Variants in FRMD4B observed in about 807,000 individuals in gnomAD.
The protein encoded by FRMD4B is FERM domain containing 4B, also known as FERM domain-containing protein 4B.
In FRMD4B, 74 loss-of-function variants were observed where a neutral mutation model predicts 141.5. The ratio of observed to expected loss-of-function variants is 0.52; its 90% CI spans 0.43 to 0.63. The LOEUF (loss-of-function observed/expected upper bound fraction) is 0.63, where lower values mean the gene tolerates loss of function less well. Ranked by LOEUF, FRMD4B falls within the 30% of genes least tolerant of loss-of-function variation. The pLI is 0.00. For missense variants in FRMD4B, 1,366 were observed against 1,253.4 expected (o/e 1.09, Z -1.36); for synonymous variants, 506 against 467.9 (o/e 1.08, Z -1.05).
chr3:69,479,437 A>G (rs979615369), intron 1 of FRMD4B, among the ~76,000 whole-genome samples: 96 of 152,150 alleles, frequency 6.3e-4, no homozygotes, highest in Non-Finnish European at 1.1e-3. Context: ...GCTTGTCTGT[A>G]AAGGATTTTA....
At chr3:69,528,733 A>G (rs1700969026) in intron 1 of FRMD4B, among the ~76,000 whole-genome samples, 3 of 151,896 alleles carry the variant, frequency 2.0e-5, no homozygotes, top group Admixed American at 2.0e-4. Flanking sequence ...TAAGGTATTT[A>G]TCTGAGAGGT....
chr3:69,471,107 CT>C (rs901003834), intron 1 of FRMD4B, among the ~76,000 whole-genome samples: 3 of 152,130 alleles, frequency 2.0e-5, no homozygotes, highest in African/African-American at 7.2e-5. Flanking sequence ...GTTAAGGCTA[CT>C]TTTTTTCTAA....
At chr3:69,474,214 G>A (rs892717711) in intron 1 of FRMD4B, among the ~76,000 whole-genome samples, 2 of 152,150 alleles carry the variant, frequency 1.3e-5, no homozygotes, top group Non-Finnish European at 2.9e-5. Flanking sequence ...GCAAACCAAA[G>A]TTAATAAGAA....
At position 69,454,760 on chromosome 3, in the gene FRMD4B, C is replaced by A. The variant is rs1035600625; in HGVS notation, c.-128-21999G>T. On this transcript the variant is annotated intron_variant, in intron 1 of 5. Coordinates refer to the FRMD4B transcript ENST00000459638. Reference sequence around the variant, plus strand: ...CCAGAGCCTCCCCAAAGGGCACCACCCCCTGCTCCGTGGCACCAGGTCCCA... The same window carrying A: ...CCAGAGCCTCCCCAAAGGGCACCACACCCTGCTCCGTGGCACCAGGTCCCA... Among the ~76,000 whole-genome samples the A allele has an allele frequency of 2.0e-5, 3 of 152,234 alleles. No homozygotes were observed. In the East Asian group the frequency reaches 5.8e-4, roughly 29 times the overall value.
chr3:69,459,649 G>A (rs1705679381), intron 1 of FRMD4B, among the ~76,000 whole-genome samples: 1 of 152,070 alleles, frequency 6.6e-6, no homozygotes, highest in South Asian at 2.1e-4. Flanking sequence ...TGTGACCTTG[G>A]GCAAAACAAT....
chr3:69,263,396 C>CTTTTTTTTTTTT (rs67497031), intron 5 of FRMD4B, among the ~76,000 whole-genome samples: 1 of 72,922 alleles, frequency 1.4e-5, no homozygotes, highest in African/African-American at 5.8e-5. Context: ...GTTACATGCA[C>CTTTTTTTTTTTT]TTTTTTTTTT....
At position 69,216,359 on chromosome 3, in the gene FRMD4B, G is replaced by T; in HGVS notation, c.790-10C>A. The T allele has an allele frequency of 7.1e-7, 1 of 1,408,130 alleles. No individual in the cohort carries two copies. The highest frequency in any genetic ancestry group is 9.9e-7 in the Non-Finnish European group (1 of 1,011,608). 87.2% of individuals were successfully genotyped at this position (1,408,130 alleles called of 1,614,324 possible). Reference sequence around the variant, plus strand: ...GAAGTCCTTGCTTATCCTAGAAGATGAAAAAGCATGAGAACCAAGACCTAG... The same window carrying T: ...GAAGTCCTTGCTTATCCTAGAAGATTAAAAAGCATGAGAACCAAGACCTAG... On this transcript the variant is annotated splice_polypyrimidine_tract_variant and intron_variant, in intron 10 of 22. Transcript: ENST00000398540.
At chr3:69,213,364 C>G (rs1288750011) in intron 11 of FRMD4B, among the ~76,000 whole-genome samples, 2 of 123,862 alleles carry the variant, frequency 1.6e-5, no homozygotes, top group African/African-American at 6.3e-5. Flanking sequence ...ATTTCTTACT[C>G]TGGGTAAAAA....
chr3:69,185,302 AAAAAAAAAAAAAAAG>A (rs1468385058), intron 19 of FRMD4B, among the ~76,000 whole-genome samples: 3 of 137,672 alleles, frequency 2.2e-5, no homozygotes, highest in African/African-American at 6.3e-5. Context: ...CTCCGTCTCA[AAAAAAAAAAAAAAAG>A]AAAAGAAAAA....
At chr3:69,483,717 A>C (rs1049307240) in intron 1 of FRMD4B, among the ~76,000 whole-genome samples, 17 of 152,234 alleles carry the variant, frequency 1.1e-4, no homozygotes, top group Non-Finnish European at 7.3e-5. Flanking sequence ...TCTAAAAATA[A>C]AAGGCAATAA....
At chr3:69,359,730 C>T (rs1486655017) in intron 1 of FRMD4B, among the ~76,000 whole-genome samples, 1 of 152,186 alleles carries the variant, frequency 6.6e-6, no homozygotes, top group East Asian at 1.9e-4. Flanking sequence ...GTCTGTTTCA[C>T]AGGTTGAAGG....
intron 5 of FRMD4B, among the ~76,000 whole-genome samples, chr3:69,253,213 T>C (rs924298447): frequency 7.2e-6 from 1 of 139,158 alleles, no homozygotes; most frequent in Admixed American, 7.8e-5. Context: ...TTGCAGATGA[T>C]GGGAGGCAAT....
intron 1 of FRMD4B, among the ~76,000 whole-genome samples, chr3:69,494,887 C>T (rs961015447): frequency 4.1e-5 from 6 of 146,692 alleles, no homozygotes; most frequent in South Asian, 4.3e-4. Context: ...AGTGAAACTC[C>T]GTCCAAAAAA....
intron 22 of FRMD4B, among the ~76,000 whole-genome samples, chr3:69,174,391 C>T (rs938832607): frequency 9.2e-5 from 14 of 152,082 alleles, no homozygotes; most frequent in African/African-American, 2.9e-4. Context: ...AGATGTAAAA[C>T]TGTATGTACA....
chr3:69,448,478 C>T (rs976079365), intron 1 of FRMD4B, among the ~76,000 whole-genome samples: 28 of 152,206 alleles, frequency 1.8e-4, no homozygotes, highest in African/African-American at 6.5e-4. Flanking sequence ...TTTATATTTA[C>T]ACCAGCAGTG....
rs75733472 is a variant in FRMD4B at position 69,221,713 on chromosome 3, C to T, written c.731+145G>A. On this transcript the variant is annotated intron_variant, in intron 9 of 22. Transcript: ENST00000398540. ...TGGTGACACCAATGTATAGAATGAC[C>T]GAAGACATTTTCTAATTCACAGTAA... The T allele has an allele frequency of 6.9e-3, 4,335 of 625,932 alleles. 25 individuals carry two copies. The highest frequency in any genetic ancestry group is 0.017 in the African/African-American group (921 of 54,590). The allele number at this position is 625,932 out of a possible 1,614,324, so 38.8% of individuals were successfully genotyped here.
intron 1 of FRMD4B, among the ~76,000 whole-genome samples, chr3:69,512,471 A>AT (rs1706705570): frequency 1.3e-5 from 2 of 152,102 alleles, no homozygotes; most frequent in African/African-American, 4.8e-5. Flanking sequence ...ATAAATCTGT[A>AT]TTTTTTCTTT....
intron 2 of FRMD4B, among the ~76,000 whole-genome samples, chr3:69,415,518 C>A (rs188884827): frequency 6.6e-5 from 10 of 152,284 alleles, no homozygotes; most frequent in African/African-American, 2.4e-4. Flanking sequence ...CCACTGCACA[C>A]CCTGTTGCCT....
chr3:69,417,239 C>T (rs1219270131), intron 2 of FRMD4B, among the ~76,000 whole-genome samples: 1 of 152,190 alleles, frequency 6.6e-6, no homozygotes, highest in Non-Finnish European at 1.5e-5. Context: ...TTAACGATCA[C>T]CATTCTAACT....
Sources: allele counts gnomAD v4.1 joint callset (sites outside exome capture counted in the v4.1 genomes callset), GRCh38; gene constraint gnomAD v4.1.1; transcripts MANE v1.5; gene names NCBI Gene and HGNC (gene_info 2026-07-23, HGNC 2026-07-21).